The following CDC73 variants were observed in gnomAD, a reference collection of about 807,000 sequenced individuals.
CDC73 encodes the protein cell division cycle 73.
Under a neutral mutation model 83.7 loss-of-function variants are expected in CDC73, and 21 were observed. That is an observed-to-expected ratio of 0.25 (90% CI 0.18 to 0.36). CDC73 has a LOEUF of 0.36. Ranked by LOEUF, CDC73 falls within the 10% of genes least tolerant of loss-of-function variation. CDC73 has a pLI of 1.00. For missense variants in CDC73, 342 were observed against 653.3 expected, an observed-to-expected ratio of 0.52 and a Z score of 5.19; for synonymous variants, 224 against 212.9, an observed-to-expected ratio of 1.05 and a Z score of -0.45.
At chr1:193,236,209 A>C in intron 14 of CDC73, 47 bp from the exon 15 acceptor site, 1 of 1,109,150 alleles carries the variant, frequency 9.0e-7, no homozygotes, top group Non-Finnish European at 1.4e-6. Context: ...GTTTGAAATA[A>C]TCTCCGTCTG....
chr1:193,201,238 A>G (rs965658687), intron 10 of CDC73, among the ~76,000 whole-genome samples: 9 of 152,152 alleles, frequency 5.9e-5, no homozygotes, highest in African/African-American at 2.2e-4. Flanking sequence ...ACTGAGGCAA[A>G]TGAAAGTGTG....
intron 10 of CDC73, chr1:193,161,276 A>G (rs1676304161): frequency 5.7e-6 from 1 of 174,678 alleles, no homozygotes; most frequent in African/African-American, 2.4e-5. Context: ...GCTATTTAGA[A>G]ACTAAGTTCT....
intron 10 of CDC73, among the ~76,000 whole-genome samples, chr1:193,156,170 C>T (rs1328095497): frequency 6.6e-6 from 1 of 152,162 alleles, no homozygotes; most frequent in Admixed American, 6.5e-5. Flanking sequence ...TATGGTTCCA[C>T]TGGAGAAATA....
intron 15 of CDC73, among the ~76,000 whole-genome samples, chr1:193,239,128 A>G (rs1196961421): frequency 6.6e-6 from 1 of 152,340 alleles, no homozygotes; most frequent in Admixed American, 6.5e-5. Flanking sequence ...ACTATGAGAT[A>G]ACTTCTCTGT....
At chr1:193,226,118 A>T (rs1677562987) in intron 13 of CDC73, among the ~76,000 whole-genome samples, 1 of 152,160 alleles carries the variant, frequency 6.6e-6, no homozygotes, top group Admixed American at 6.5e-5. Context: ...GAGATGATCC[A>T]GTTTCATTCT....
chr1:193,201,374 C>T (rs1274677406), intron 10 of CDC73, among the ~76,000 whole-genome samples: 1 of 152,152 alleles, frequency 6.6e-6, no homozygotes, highest in Non-Finnish European at 1.5e-5. Flanking sequence ...TTATATTCTA[C>T]CTCTTTTCTT....
At chr1:193,185,237 C>A (rs139654259) in intron 10 of CDC73, among the ~76,000 whole-genome samples, 114 of 152,064 alleles carry the variant, frequency 7.5e-4, no homozygotes, top group Non-Finnish European at 2.1e-4. Context: ...TAAATTTGAT[C>A]ATTTGGAATC....
At chr1:193,183,026 A>T (rs1676744788) in intron 10 of CDC73, among the ~76,000 whole-genome samples, 1 of 151,956 alleles carries the variant, frequency 6.6e-6, no homozygotes, top group South Asian at 2.1e-4. Context: ...TGATAATGAG[A>T]GAGTCATGGT....
intron 15 of CDC73, among the ~76,000 whole-genome samples, chr1:193,245,182 A>G (rs970205768): frequency 6.6e-6 from 1 of 152,190 alleles, no homozygotes; most frequent in Non-Finnish European, 1.5e-5. Flanking sequence ...ATTTGAAACT[A>G]TGTATTATTG....
intron 13 of CDC73, among the ~76,000 whole-genome samples, chr1:193,230,764 G>A (rs1677650330): frequency 6.6e-6 from 1 of 152,064 alleles, no homozygotes; most frequent in African/African-American, 2.4e-5. Flanking sequence ...CTGCAGTAGG[G>A]TGAACAGGTA....
At chr1:193,163,811 T>G (rs1676385541) in intron 10 of CDC73, among the ~76,000 whole-genome samples, 1 of 152,114 alleles carries the variant, frequency 6.6e-6, no homozygotes, top group African/African-American at 2.4e-5. Context: ...GGAGTCTCAC[T>G]CTTGTCACCC....
chr1:193,122,461 T>G, intron 1 of CDC73, 130 bp downstream of exon 1: 1 of 1,241,272 alleles, frequency 8.1e-7, no homozygotes, highest in Admixed American at 1.8e-5. Flanking sequence ...GAAAAGAAAG[T>G]TTCTCTCTAG....
intron 13 of CDC73, among the ~76,000 whole-genome samples, chr1:193,224,782 A>G (rs943736411): frequency 3.3e-5 from 5 of 152,044 alleles, no homozygotes; most frequent in Non-Finnish European, 7.4e-5. Context: ...TTTCAGACCA[A>G]TTTTTTAGCT....
At chr1:193,163,206 C>T (rs1306516025) in intron 10 of CDC73, among the ~76,000 whole-genome samples, 1 of 150,552 alleles carries the variant, frequency 6.6e-6, no homozygotes, top group Admixed American at 6.6e-5. Context: ...TTTTTTCCCC[C>T]TCCTAGAAAA....
chr1:193,152,472 T>G, intron 10 of CDC73, 28 bp downstream of exon 10: 1 of 1,473,544 alleles, frequency 6.8e-7, no homozygotes, highest in Non-Finnish European at 9.5e-7. Flanking sequence ...TAGATGTTCT[T>G]TTGTTCCAGG....
chr1:193,237,520 G>A (rs1201060540), intron 15 of CDC73, among the ~76,000 whole-genome samples: 1 of 152,158 alleles, frequency 6.6e-6, no homozygotes, highest in East Asian at 1.9e-4. Context: ...GGGATGTAAA[G>A]AAATTGATCT....
Position 193,250,986 on chromosome 1 carries a change from T to G in CDC73, c.*274T>G, listed in dbSNP as rs1170894668. 2.2e-6 allele frequency: 1 copy of G among 459,682 alleles called. No homozygotes were observed. The highest frequency in any genetic ancestry group is 2.0e-5 in the African/African-American group (1 of 51,118). The allele number at this position is 459,682 out of a possible 1,614,324, so 28.5% of individuals were successfully genotyped here. A position where few individuals can be genotyped will look rare whatever the true frequency, so the allele number is the denominator to read the frequency against. On this transcript the variant is annotated 3_prime_UTR_variant, in exon 17 of 17. Coordinates refer to ENST00000367435, the MANE Select transcript of CDC73 (RefSeq NM_024529.5). The stretch of plus-strand genomic sequence containing the variant: ...TTAGCATTACTTAAAATTTGTTTCT[T>G]TAGAAAATAAATGCAGGTTATAAAT...
At chr1:193,155,636 A>T (rs1053005192) in intron 10 of CDC73, among the ~76,000 whole-genome samples, 8 of 152,056 alleles carry the variant, frequency 5.3e-5, no homozygotes, top group African/African-American at 1.9e-4. Context: ...ATTAGCCAGG[A>T]TGTGATGACG....
At chr1:193,133,027 G>C (rs1459624152) in intron 3 of CDC73, among the ~76,000 whole-genome samples, 1 of 150,410 alleles carries the variant, frequency 6.6e-6, no homozygotes, top group East Asian at 2.0e-4. Context: ...TCAGCCTCCT[G>C]AGTAGCTGGG....
Sources: allele counts gnomAD v4.1 joint callset (sites outside exome capture counted in the v4.1 genomes callset), GRCh38; gene constraint gnomAD v4.1.1; transcripts MANE v1.5; gene names NCBI Gene and HGNC (gene_info 2026-07-23, HGNC 2026-07-21).